Variants in CDC123 observed in about 807,000 individuals in gnomAD.
CDC123 encodes translation initiation factor eIF2 assembly protein.
CDC123 carries 37 observed loss-of-function variants against 54.4 expected under a neutral mutation model. The observed-to-expected ratio is 0.68, with a 90% CI of 0.52 to 0.89. The LOEUF (loss-of-function observed/expected upper bound fraction) is 0.89. CDC123 is among the 40% of genes least tolerant of loss of function. The pLI is 0.00. For missense variants in CDC123, 361 were observed against 412.1 expected, an observed-to-expected ratio of 0.88 and a Z score of 1.07; for synonymous variants, 144 against 136.8, an observed-to-expected ratio of 1.05 and a Z score of -0.37.
intron 2 of CDC123, among the ~76,000 whole-genome samples, chr10:12,203,934 A>C (rs1399976882): frequency 1.3e-5 from 2 of 151,978 alleles, no homozygotes; most frequent in Non-Finnish European, 2.9e-5. Context: ...CTCTACAAAA[A>C]AATAAGAAAT....
intron 5 of CDC123, 118 bp from the exon 6 acceptor site, chr10:12,217,243 C>A: frequency 1.1e-6 from 1 of 943,040 alleles, no homozygotes; most frequent in Non-Finnish European, 1.5e-6. Flanking sequence ...CTTAAATTTA[C>A]TTGACTTTCT....
intron 6 of CDC123, among the ~76,000 whole-genome samples, chr10:12,223,443 G>A (rs1835763480): frequency 6.6e-6 from 1 of 151,986 alleles, no homozygotes; most frequent in Admixed American, 6.6e-5. Flanking sequence ...ACGCCACCAC[G>A]CCTGGATAAT....
chr10:12,212,292 T>C (rs778512068), intron 4 of CDC123, among the ~76,000 whole-genome samples: 42 of 152,184 alleles, frequency 2.8e-4, no homozygotes, highest in Non-Finnish European at 5.1e-4. Flanking sequence ...AATTGAAGCT[T>C]CTTGGAGATA....
chr10:12,240,528 A>G (rs1297546886), intron 10 of CDC123, among the ~76,000 whole-genome samples: 1 of 152,126 alleles, frequency 6.6e-6, no homozygotes, highest in Non-Finnish European at 1.5e-5. Flanking sequence ...ACATCACTAT[A>G]TTTTCACCTC....
At position 12,198,615 on chromosome 10, in the gene CDC123, C is replaced by CAAAT. The variant is rs200083079; in HGVS notation, c.75-88_75-87insATAA. The CAAAT allele has an allele frequency of 1.4e-3, 1,073 of 750,096 alleles. 5 individuals carry two copies. The African/African-American group carries it at 0.017, about 12-fold the overall frequency. 46.5% of individuals were successfully genotyped at this position (750,096 alleles called of 1,614,324 possible). A position where few individuals can be genotyped will look rare whatever the true frequency, so the allele number is the denominator to read the frequency against. On this transcript the variant is annotated intron_variant, in intron 1 of 12. Transcript: ENST00000281141. ...TTTCTACTTTATATTAAAAGAAAGA[C>CAAAT]AATTCCAAAATTAATCAAGTGTAGA...
intron 2 of CDC123, among the ~76,000 whole-genome samples, chr10:12,203,455 C>T (rs79649483): frequency 0.027 from 4,095 of 152,176 alleles, 85 homozygotes; most frequent in Non-Finnish European, 0.035. Context: ...CCTTGTTTGC[C>T]GACTCAGATC....
intron 7 of CDC123, among the ~76,000 whole-genome samples, chr10:12,233,060 GCA>G (rs1835924148): frequency 6.6e-6 from 1 of 152,124 alleles, no homozygotes; most frequent in African/African-American, 2.4e-5. Context: ...TTTCTCTGAG[GCA>G]CAGTCTTTCT....
In CDC123 at chr10:12,238,520, A is replaced by C. The variant is rs114952366; in HGVS notation, c.717+35A>C. The C allele has an allele frequency of 1.0e-3, 1,616 of 1,601,360 alleles. 17 individuals are homozygous for C. In the African/African-American group the frequency reaches 0.02, roughly 20 times the overall value. On this transcript the variant is annotated intron_variant, in intron 10 of 12. Transcript: ENST00000281141. ...AACTCTTTCTGATATGCTTTAATAT[A>C]AGAGCTGGTTTTATAAGCAGGCAGA...
At chr10:12,199,587 GA>G (rs1373755307) in intron 2 of CDC123, among the ~76,000 whole-genome samples, 2 of 152,180 alleles carry the variant, frequency 1.3e-5, no homozygotes, top group Non-Finnish European at 2.9e-5. Context: ...AGGAACTATA[GA>G]AATACAGTAA....
chr10:12,238,976 C>T (rs1331537195), intron 10 of CDC123, among the ~76,000 whole-genome samples: 1 of 151,610 alleles, frequency 6.6e-6, no homozygotes, highest in African/African-American at 2.4e-5. Flanking sequence ...GGCAACAGAG[C>T]GAGACTCTGC....
chr10:12,229,367 T>C (rs575590296), intron 6 of CDC123, among the ~76,000 whole-genome samples: 2 of 152,380 alleles, frequency 1.3e-5, no homozygotes, highest in South Asian at 4.1e-4. Context: ...AGGCCTCTCA[T>C]GACCTGGATA....
intron 6 of CDC123, among the ~76,000 whole-genome samples, chr10:12,222,607 A>G (rs1426801168): frequency 4.6e-5 from 7 of 152,266 alleles, no homozygotes; most frequent in Non-Finnish European, 1.0e-4. Context: ...GGCTGAGTAG[A>G]CAAGAAAACA....
rs528742947 is a variant in CDC123 at position 12,204,454 on chromosome 10, C to A, written c.147-5513C>A. 2.6e-5 allele frequency among the ~76,000 whole-genome samples: 4 copies of A among 152,194 alleles called. No individual in the cohort carries two copies. In the South Asian group the frequency reaches 8.3e-4, roughly 32 times the overall value. ...CCATGTGTATAAGATGTATGTGACA[C>A]TGACACATAAATGATTTTTTTAAAT... On this transcript the variant is annotated intron_variant, in intron 2 of 12. Coordinates refer to ENST00000281141, the MANE Select transcript of CDC123 (RefSeq NM_006023.3).
chr10:12,236,321 A>G (rs1218553609), intron 8 of CDC123, among the ~76,000 whole-genome samples: 4 of 152,178 alleles, frequency 2.6e-5, no homozygotes, highest in African/African-American at 9.7e-5. Context: ...TCCATGGGCA[A>G]GGTGCTGTGG....
chr10:12,206,749 G>C (rs368333609), intron 2 of CDC123, among the ~76,000 whole-genome samples: 9 of 152,196 alleles, frequency 5.9e-5, no homozygotes, highest in South Asian at 4.1e-4. Flanking sequence ...ACAAGGTCAG[G>C]AGATCGAGAC....
chr10:12,248,642 C>T (rs1836192616), intron 11 of CDC123, among the ~76,000 whole-genome samples: 1 of 150,054 alleles, frequency 6.7e-6, no homozygotes, highest in Admixed American at 6.7e-5. Flanking sequence ...CCCGTCTCTA[C>T]TAAAAGTAAA....
chr10:12,235,890 A>C (rs564462136), intron 8 of CDC123, among the ~76,000 whole-genome samples: 54 of 152,348 alleles, frequency 3.5e-4, no homozygotes, highest in Admixed American at 1.2e-3. Context: ...AGGAATAGGA[A>C]GCCCGTATTT....
At chr10:12,225,410 G>C (rs1470294189) in intron 6 of CDC123, among the ~76,000 whole-genome samples, 1 of 151,988 alleles carries the variant, frequency 6.6e-6, no homozygotes, top group Non-Finnish European at 1.5e-5. Flanking sequence ...ATAAATAAAT[G>C]AATAAAAGAA....
At chr10:12,241,038 A>G (rs1752082991) in intron 10 of CDC123, among the ~76,000 whole-genome samples, 1 of 152,192 alleles carries the variant, frequency 6.6e-6, no homozygotes, top group Non-Finnish European at 1.5e-5. Flanking sequence ...CCCCCCAGGA[A>G]TGCATCACAG....
Sources: gnomAD v4.1 joint callset for allele counts (sites outside exome capture counted in the v4.1 genomes callset) on GRCh38, gnomAD v4.1.1 for gene constraint, MANE v1.5 for transcripts, NCBI Gene and HGNC (gene_info 2026-07-23, HGNC 2026-07-21) for gene names.